Variants in FAM76A observed in about 807,000 individuals in gnomAD.
The protein encoded by FAM76A is protein FAM76A.
A neutral mutation model predicts 46.2 loss-of-function variants in FAM76A; 32 were observed. That is an observed-to-expected ratio of 0.69 (90% CI 0.52 to 0.93). The LOEUF is 0.93. FAM76A is among the 40% of genes least tolerant of loss of function. FAM76A has a pLI of 0.00. For synonymous variants in FAM76A, 137 were observed against 127.0 expected, an observed-to-expected ratio of 1.08 and a Z score of -0.53; for missense variants, 274 against 361.5, an observed-to-expected ratio of 0.76 and a Z score of 1.96.
At chr1:27,726,782 A>G (rs2087868791) in intron 1 of FAM76A, among the ~76,000 whole-genome samples, 1 of 152,130 alleles carries the variant, frequency 6.6e-6, no homozygotes, top group Non-Finnish European at 1.5e-5. Flanking sequence ...TTCCCTGACT[A>G]GCTGCTGATC....
intron 7 of FAM76A, among the ~76,000 whole-genome samples, chr1:27,758,114 G>A (rs1429925164): frequency 6.6e-6 from 1 of 152,160 alleles, no homozygotes; most frequent in South Asian, 2.1e-4. Context: ...TCAGAATGCT[G>A]TGATTCATTC....
chr1:27,730,667 G>A (rs2148565281), intron 2 of FAM76A, among the ~76,000 whole-genome samples: 1 of 152,062 alleles, frequency 6.6e-6, no homozygotes, highest in Non-Finnish European at 1.5e-5. Context: ...TTATTTTACT[G>A]TCTTTTAAAA....
intron 8 of FAM76A, chr1:27,760,241 T>C (rs192468321): frequency 7.7e-6 from 3 of 389,620 alleles, no homozygotes; most frequent in African/African-American, 2.1e-5. Flanking sequence ...TCACAGTTTG[T>C]ATTGCATAAA....
At chr1:27,756,374 T>G (rs2088409463) in intron 7 of FAM76A, among the ~76,000 whole-genome samples, 1 of 152,110 alleles carries the variant, frequency 6.6e-6, no homozygotes, top group Admixed American at 6.6e-5. Context: ...CACTGCAACC[T>G]CTGCCTCCTG....
At chr1:27,727,137 C>A (rs1488064261) in intron 1 of FAM76A, among the ~76,000 whole-genome samples, 3 of 152,178 alleles carry the variant, frequency 2.0e-5, no homozygotes, top group African/African-American at 4.8e-5. Flanking sequence ...CCAGCACTTT[C>A]ATTTCACAAG....
At chr1:27,739,410 C>A in intron 4 of FAM76A, 1 of 511,478 alleles carries the variant, frequency 2.0e-6, no homozygotes, top group Admixed American at 2.1e-5. Flanking sequence ...TCAGGCCAAC[C>A]TCGTGGAAAT....
Position 27,734,056 on chromosome 1 carries a change from T to C in FAM76A, c.227T>C (p.Ile76Thr), listed in dbSNP as rs1204455203. 3 of 1,610,132 alleles carry C rather than the reference T, an allele frequency of 1.9e-6. No individual in the cohort carries two copies. Among genetic ancestry groups the C allele is most frequent in the Non-Finnish European group, 2.5e-6 (3 of 1,179,256 alleles). ...GTPKPCQYCN[I>T]IAAFIGNKCQ... ...CCCAAACCTTGTCAGTATTGCAACA[T>C]AATTGCAGCATTTATTGGGAATAAA... Residue 76 changes from isoleucine to threonine, a missense_variant, in exon 4 of 9, where the codon ATA becomes ACA. Physicochemically the swap from Ile to Thr is moderately conservative, Grantham distance 89 (BLOSUM62 -1). Coordinates refer to ENST00000373954, the MANE Select transcript of FAM76A (RefSeq NM_152660.3).
At chr1:27,752,182 A>G (rs956025394) in intron 6 of FAM76A, among the ~76,000 whole-genome samples, 1 of 152,024 alleles carries the variant, frequency 6.6e-6, no homozygotes, top group African/African-American at 2.4e-5. Flanking sequence ...TTTCTATACT[A>G]CTACATTCTC....
intron 1 of FAM76A, 30 bp from the exon 2 acceptor site, chr1:27,727,442 T>C: frequency 6.2e-7 from 1 of 1,603,508 alleles, no homozygotes; most frequent in Non-Finnish European, 8.5e-7. Context: ...TGTGACTGCC[T>C]TTTAAAATTA....
At chr1:27,757,100 A>G (rs1007403772) in intron 7 of FAM76A, among the ~76,000 whole-genome samples, 14 of 151,014 alleles carry the variant, frequency 9.3e-5, no homozygotes, top group African/African-American at 3.4e-4. Flanking sequence ...TTGCCTTAAT[A>G]TTATAATAAT....
chr1:27,736,018 G>C (rs554335293), intron 4 of FAM76A, among the ~76,000 whole-genome samples: 11 of 152,076 alleles, frequency 7.2e-5, no homozygotes, highest in Non-Finnish European at 7.4e-5. Flanking sequence ...GCTAAATTTA[G>C]GGATTAAGAG....
intron 7 of FAM76A, among the ~76,000 whole-genome samples, chr1:27,758,028 T>C (rs1211970905): frequency 2.6e-5 from 4 of 152,006 alleles, no homozygotes; most frequent in African/African-American, 4.8e-5. Flanking sequence ...ATTTCATAGA[T>C]GAAGAATGCC....
chr1:27,731,827 A>C (rs1260384941), intron 2 of FAM76A, among the ~76,000 whole-genome samples: 1 of 151,560 alleles, frequency 6.6e-6, no homozygotes, highest in Non-Finnish European at 1.5e-5. Flanking sequence ...CCAAAGCCTC[A>C]CTTGTTTTTT....
intron 6 of FAM76A, among the ~76,000 whole-genome samples, chr1:27,754,782 A>G (rs1266938020): frequency 1.3e-5 from 2 of 152,190 alleles, no homozygotes; most frequent in African/African-American, 4.8e-5. Context: ...GGAAGCATTA[A>G]AGAAAAATGC....
intron 3 of FAM76A, 127 bp downstream of exon 3, chr1:27,732,784 C>A (rs2087981959): frequency 1.7e-6 from 1 of 580,112 alleles, no homozygotes; most frequent in Non-Finnish European, 2.8e-6. Context: ...ATATCTGATA[C>A]TGATTTCAGC....
chr1:27,737,868 C>CAAAAAAAAAAAAAAAAAAAAAAAA (rs71571865), intron 4 of FAM76A, among the ~76,000 whole-genome samples: 8 of 62,704 alleles, frequency 1.3e-4, no homozygotes, highest in Non-Finnish European at 2.3e-4. Flanking sequence ...ACAACAACAA[C>CAAAAAAAAAAAAAAAAAAAAAAAA]AAAAAAAAAA....
intron 4 of FAM76A, among the ~76,000 whole-genome samples, chr1:27,743,937 TAAAA>T (rs879256498): frequency 7.0e-6 from 1 of 142,960 alleles, no homozygotes; most frequent in East Asian, 2.0e-4. Context: ...ATCCTATCAC[TAAAA>T]AAAAAAAAAT....
chr1:27,732,727 C>T, intron 3 of FAM76A, 70 bp downstream of exon 3: 2 of 1,132,198 alleles, frequency 1.8e-6, no homozygotes, highest in Non-Finnish European at 2.6e-6. Context: ...CTGTGGCCTA[C>T]TAATGCCATT....
intron 3 of FAM76A, 83 bp downstream of exon 3, chr1:27,732,740 A>T (rs2087981283): frequency 2.0e-6 from 2 of 1,023,674 alleles, no homozygotes; most frequent in African/African-American, 1.6e-5. Flanking sequence ...ATGCCATTAC[A>T]ATATTTTTAT....
Sources: allele counts gnomAD v4.1 joint callset (sites outside exome capture counted in the v4.1 genomes callset), GRCh38; gene constraint gnomAD v4.1.1; transcripts MANE v1.5; gene names NCBI Gene and HGNC (gene_info 2026-07-23, HGNC 2026-07-21).